Variants in MXRA8 observed in about 807,000 individuals in gnomAD.
MXRA8 encodes the protein matrix remodeling-associated protein 8.
A neutral mutation model predicts 51.4 loss-of-function variants in MXRA8; 44 were observed. The ratio of observed to expected loss-of-function variants is 0.86; its 90% CI spans 0.67 to 1.10. The LOEUF (loss-of-function observed/expected upper bound fraction) is 1.10. Ranked by LOEUF, MXRA8 falls within the 50% of genes least tolerant of loss-of-function variation. The probability of loss-of-function intolerance (pLI) is 0.00; values close to 1 mark genes in which losing one functional copy is unlikely to be tolerated. For missense variants in MXRA8, 765 were observed against 638.9 expected (o/e 1.20, Z -2.13); for synonymous variants, 369 against 293.5 (o/e 1.26, Z -2.63).
chr1:1,358,994 C>T (rs1269526562), upstream of MXRA8: 14 of 985,492 alleles, frequency 1.4e-5, no homozygotes, highest in East Asian at 1.1e-4. Flanking sequence ...CCCCCACCCA[C>T]GGTGCACGCT....
At position 1,354,902 on chromosome 1, in the gene MXRA8, C is replaced by G. The variant is rs1426625597; in HGVS notation, c.729G>C (p.Val243=). The G allele has an allele frequency of 6.2e-7, 1 of 1,610,496 alleles. No individual in the cohort carries two copies. The highest frequency in any genetic ancestry group is 2.2e-5 in the East Asian group (1 of 44,816). ...GCTCAAAGGCATCCGCGCCCACAGC[C>G]ACGCGGTCGCGCAGAAAAAGGGGCC... ...AYGPLFLRDR[V]AVGADAFERG... is the part of the protein sequence containing the mutation. Residue 243 remains valine, a synonymous_variant, in exon 5 of 10, where the codon GTG becomes GTC. Coordinates refer to ENST00000309212, the MANE Select transcript of MXRA8 (RefSeq NM_032348.4).
chr1:1,354,746 G>T lies in MXRA8; in HGVS notation c.885C>A (p.His295Gln). The T allele has an allele frequency of 6.2e-7, 1 of 1,610,504 alleles. No homozygotes were observed. The highest frequency in any genetic ancestry group is 1.1e-5 in the South Asian group (1 of 90,922). Residue 295 changes from histidine to glutamine, a missense_variant, in exon 5 of 10, where the codon CAC becomes CAA. His to Gln is a conservative substitution (Grantham distance 24, BLOSUM62 0). Coordinates refer to ENST00000309212, the MANE Select transcript of MXRA8 (RefSeq NM_032348.4). ...RVFHLTVAEP[H>Q]AEPPPRGSPG... The stretch of plus-strand genomic sequence containing the variant: ...GAGAGCCCCGGGGGGGCGGCTCCGC[G>T]TGGGGTTCGGCGACCGTCAGGTGGA...
chr1:1,355,275 G>T lies in MXRA8; in HGVS notation c.447C>A (p.Ser149Arg). The stretch of plus-strand genomic sequence containing the variant: ...CGGTGACCTCCAGGCGGACGGCCAG[G>T]CTCTCGTAGAGGTGGCAGTAGTGAT... ...LHHHYCHLYESLAVRLEVTDG... is the reference protein window; with the variant it reads ...LHHHYCHLYERLAVRLEVTDG... The change falls in exon 4 of 10, where the codon AGC becomes AGA. Residue 149 changes from serine (S) to arginine (R), a missense_variant. Transcript: ENST00000309212. The T allele has an allele frequency of 6.4e-7, 1 of 1,574,130 alleles. No individual in the cohort carries two copies. The highest frequency in any genetic ancestry group is 8.6e-7 in the Non-Finnish European group (1 of 1,164,336).
At chr1:1,362,791 A>ATT (rs1335745930), upstream of MXRA8, among the ~76,000 whole-genome samples, 6 of 144,258 alleles carry the variant, frequency 4.2e-5, no homozygotes, top group Non-Finnish European at 7.6e-5. Context: ...AAAAAAAAAA[A>ATT]AAAAAAAAAG....
At chr1:1,361,122 T>C, upstream of MXRA8, 1 of 695,196 alleles carries the variant, frequency 1.4e-6, no homozygotes, top group Non-Finnish European at 2.6e-6. Context: ...TGCATGCACA[T>C]GAAGACACAC....
At chr1:1,358,591 C>G (rs920569023), upstream of MXRA8, 6 of 1,520,014 alleles carry the variant, frequency 3.9e-6, no homozygotes, top group African/African-American at 8.3e-5. Context: ...CTCCTTAGCA[C>G]CCGCGGTGAC....
upstream of MXRA8, chr1:1,359,045 C>T (rs1644186258): frequency 1.0e-6 from 1 of 985,350 alleles, no homozygotes. Context: ...CAGCTCCAAC[C>T]CTTGGCCCTG....
upstream of MXRA8, chr1:1,361,431 CA>C (rs1318478889): frequency 1.8e-5 from 12 of 651,644 alleles, no homozygotes; most frequent in African/African-American, 3.6e-5. Context: ...GGGAATGAGA[CA>C]GGGGTCGGGG....
Position 1,354,971 on chromosome 1 carries a change from G to T in MXRA8, c.660C>A (p.Asp220Glu). The T allele has an allele frequency of 6.3e-7, 1 of 1,596,894 alleles. No homozygotes were observed. The highest frequency in any genetic ancestry group is 8.5e-7 in the Non-Finnish European group (1 of 1,173,080). Residue 220 changes from aspartate to glutamate, a missense_variant, in exon 5 of 10, where the codon GAC becomes GAA. Coordinates refer to ENST00000309212, the MANE Select transcript of MXRA8 (RefSeq NM_032348.4). ...QPPGVPHDRA[D>E]RLLDLYASGE... is the part of the protein sequence containing the mutation. ...CCGACGCGTAGAGGTCCAGCAGGCG[G>T]TCCGCGCGGTCGTGCGGGACCCCGG...
intron 5 of MXRA8, 73 bp downstream of exon 5, chr1:1,354,609 G>A: frequency 1.3e-6 from 2 of 1,549,700 alleles, no homozygotes; most frequent in Non-Finnish European, 1.7e-6. Context: ...CTCGGGCAAG[G>A]GACAGCGGGC....
intron 9 of MXRA8, 32 bp from the exon 10 acceptor site, chr1:1,353,661 C>T (rs748024896): frequency 3.2e-6 from 5 of 1,552,110 alleles, no homozygotes; most frequent in Non-Finnish European, 4.4e-6. Flanking sequence ...GGGTTGGCGG[C>T]TGTCCTCCAC....
At position 1,353,056 on chromosome 1, in the gene MXRA8, G is replaced by C; in HGVS notation, c.*548C>G. 1 of 599,436 alleles carries C rather than the reference G, an allele frequency of 1.7e-6. No homozygotes were observed. The highest frequency in any genetic ancestry group is 3.0e-6 in the Non-Finnish European group (1 of 337,720). 37.1% of individuals were successfully genotyped at this position (599,436 alleles called of 1,614,324 possible). On this transcript the variant is annotated 3_prime_UTR_variant, in exon 10 of 10. Transcript: ENST00000309212. ...TCCCTGGGGAGAACAGATGGTGCCT[G>C]GAGTCCCACATGGTGGTACAGGTGG...
chr1:1,354,629 C>T, intron 5 of MXRA8, 53 bp downstream of exon 5: 2 of 1,540,310 alleles, frequency 1.3e-6, no homozygotes, highest in Non-Finnish European at 1.7e-6. Context: ...CGCAGAGCAA[C>T]CCCCGGTGGG....
At chr1:1,357,246 C>T (rs2649607) in intron 1 of MXRA8, among the ~76,000 whole-genome samples, 17,563 of 152,242 alleles carry the variant, frequency 0.12, 3,308 homozygotes, top group African/African-American at 0.4. Context: ...CTCTCATTGT[C>T]GTAGGCCGCC....
At chr1:1,362,059 G>A (rs1009277955), upstream of MXRA8, among the ~76,000 whole-genome samples, 1 of 152,234 alleles carries the variant, frequency 6.6e-6, no homozygotes, top group African/African-American at 2.4e-5. Context: ...TCCCGGCCAT[G>A]TCCCTGGCTG....
intron 1 of MXRA8, among the ~76,000 whole-genome samples, chr1:1,357,705 G>A (rs1644160121): frequency 6.6e-6 from 1 of 152,214 alleles, no homozygotes; most frequent in Non-Finnish European, 1.5e-5. Context: ...AGCTACTTGG[G>A]AGGCCGAGGC....
chr1:1,358,291 A>G (rs1644172538), intron 1 of MXRA8, among the ~76,000 whole-genome samples, 165 bp downstream of exon 1: 1 of 152,212 alleles, frequency 6.6e-6, no homozygotes, highest in African/African-American at 2.4e-5. Context: ...AAGACGTCAC[A>G]GCCTCTGGCA....
At chr1:1,361,552 G>A (rs577204809), upstream of MXRA8, 9 of 513,128 alleles carry the variant, frequency 1.8e-5, no homozygotes, top group East Asian at 1.4e-4. Context: ...GCCAGTGGCG[G>A]GGCTGCCAGG....
rs1476340370 is a variant in MXRA8, at chr1:1,355,749, G to T, written c.77C>A (p.Ser26Tyr). 3 of 1,298,574 alleles carry T rather than the reference G, an allele frequency of 2.3e-6. No individual in the cohort carries two copies. Among genetic ancestry groups the T allele is most frequent in the African/African-American group, 3.1e-5 (2 of 63,630 alleles). The allele number at this position is 1,298,574 out of a possible 1,614,324, so 80.4% of individuals were successfully genotyped here. A position where few individuals can be genotyped will look rare whatever the true frequency, so the allele number is the denominator to read the frequency against. ...QSSAVLLHSG[S>Y]SVPAAAGSSV... is the part of the protein sequence containing the mutation. ...GCTGCCAGCAGCGGCGGGTACCGAG[G>T]ACCCTGGTGGGGGAGGGGAGTCGGT... The change falls in exon 3 of 10, where the codon TCC becomes TAC. Residue 26 changes from serine to tyrosine, a missense_variant. Transcript: ENST00000309212.
Sources: allele counts gnomAD v4.1 joint callset (sites outside exome capture counted in the v4.1 genomes callset), GRCh38; gene constraint gnomAD v4.1.1; transcripts MANE v1.5; gene names NCBI Gene and HGNC (gene_info 2026-07-23, HGNC 2026-07-21).